Variants in GLG1 observed in about 807,000 individuals in gnomAD.
The protein encoded by GLG1 is Golgi apparatus protein 1.
Under a neutral mutation model 160.5 loss-of-function variants are expected in GLG1, and 38 were observed. That is an observed-to-expected ratio of 0.24 (90% CI 0.18 to 0.31). The LOEUF is 0.31. Ranked by LOEUF, GLG1 falls within the 10% of genes least tolerant of loss-of-function variation. The pLI, the probability that GLG1 is intolerant of heterozygous loss-of-function variation, is 1.00. For missense variants in GLG1, 1,373 were observed against 1,505.2 expected (o/e 0.91, Z 1.45); for synonymous variants, 644 against 543.4 (o/e 1.19, Z -2.57).
intron 24 of GLG1, 33 bp downstream of exon 24, chr16:74,457,841 C>G: frequency 6.2e-7 from 1 of 1,607,796 alleles, no homozygotes; most frequent in African/African-American, 1.3e-5. Flanking sequence ...CAAGAGAGTT[C>G]AGACAGGATC....
At chr16:74,567,373 T>C (rs576682692) in intron 1 of GLG1, among the ~76,000 whole-genome samples, 1 of 152,146 alleles carries the variant, frequency 6.6e-6, no homozygotes, top group Non-Finnish European at 1.5e-5. Context: ...GCCAGCGCTT[T>C]AGAATTTGAA....
At chr16:74,516,947 A>G (rs2016998463) in intron 2 of GLG1, among the ~76,000 whole-genome samples, 1 of 152,226 alleles carries the variant, frequency 6.6e-6, no homozygotes, top group Non-Finnish European at 1.5e-5. Flanking sequence ...AAACTAGAAA[A>G]TCTAGAAGAA....
intron 18 of GLG1, among the ~76,000 whole-genome samples, chr16:74,466,998 T>C (rs1376532333): frequency 2.6e-5 from 4 of 152,132 alleles, no homozygotes; most frequent in African/African-American, 7.2e-5. Flanking sequence ...AACACATAGA[T>C]TGTGAGATTG....
intron 1 of GLG1, 77 bp downstream of exon 1, chr16:74,606,580 T>G: frequency 1.6e-6 from 2 of 1,266,126 alleles, no homozygotes; most frequent in Non-Finnish European, 2.2e-6. Flanking sequence ...CCGACCGGCG[T>G]CAGCGGCTTC....
intron 1 of GLG1, among the ~76,000 whole-genome samples, chr16:74,562,750 C>T (rs978710315): frequency 6.6e-6 from 1 of 152,184 alleles, no homozygotes; most frequent in Non-Finnish European, 1.5e-5. Flanking sequence ...GTAGAGATTA[C>T]AGGCATGAGC....
chr16:74,590,227 C>T (rs1958142162), intron 1 of GLG1, among the ~76,000 whole-genome samples: 1 of 152,052 alleles, frequency 6.6e-6, no homozygotes, highest in Non-Finnish European at 1.5e-5. Flanking sequence ...TCTTGATCTC[C>T]TGATCTCGTG....
rs368741358 is a variant in GLG1, at chr16:74,528,970, C to CTT, written c.471+3149_471+3150dup. Among the ~76,000 whole-genome samples, 1,171 of 139,210 alleles carry CTT rather than the reference C, an allele frequency of 8.4e-3. 13 individuals are homozygous for CTT. The highest frequency in any genetic ancestry group is 0.014 in the Middle Eastern group (4 of 278). The allele number at this position is 139,210 out of a possible 152,430, so 91.3% of individuals were successfully genotyped here. On this transcript the variant is annotated intron_variant, in intron 2 of 25. Coordinates refer to ENST00000422840, the MANE Select transcript of GLG1 (RefSeq NM_001145667.2). ...ACTGCTTCTATCCCATTCTGTCTGCCTTTTTTTTTTTTTTGAGACAGAATC... is the reference window on the plus strand; with the variant it reads ...ACTGCTTCTATCCCATTCTGTCTGCCTTTTTTTTTTTTTTTTGAGACAGAATC...
intron 1 of GLG1, among the ~76,000 whole-genome samples, chr16:74,572,414 G>A (rs1442376116): frequency 6.6e-6 from 1 of 151,960 alleles, no homozygotes; most frequent in Non-Finnish European, 1.5e-5. Flanking sequence ...GCAAGGCTGA[G>A]GCAGGAGAGT....
chr16:74,605,896 T>C (rs899936554), intron 1 of GLG1, among the ~76,000 whole-genome samples: 5 of 152,224 alleles, frequency 3.3e-5, no homozygotes, highest in African/African-American at 9.6e-5. Context: ...GCATTAAACC[T>C]AGATTATAAA....
intron 10 of GLG1, among the ~76,000 whole-genome samples, chr16:74,482,380 A>G (rs2015632347): frequency 6.6e-6 from 1 of 152,188 alleles, no homozygotes; most frequent in Non-Finnish European, 1.5e-5. Context: ...TTGAAAAGCT[A>G]GAGAAGCAGT....
intron 3 of GLG1, among the ~76,000 whole-genome samples, chr16:74,505,034 T>C (rs922767676): frequency 3.9e-5 from 6 of 152,250 alleles, no homozygotes; most frequent in Non-Finnish European, 5.9e-5. Context: ...TAAATGGGAA[T>C]GTTTATTTTG....
At chr16:74,530,924 T>C (rs1393611008) in intron 2 of GLG1, among the ~76,000 whole-genome samples, 2 of 152,252 alleles carry the variant, frequency 1.3e-5, no homozygotes, top group African/African-American at 4.8e-5. Flanking sequence ...TCTTTTCCTG[T>C]GAACATTCTA....
At chr16:74,493,268 T>TA (rs1488140164) in intron 6 of GLG1, 128 bp from the exon 7 acceptor site, 2 of 591,454 alleles carry the variant, frequency 3.4e-6, no homozygotes, top group Admixed American at 6.3e-5. Context: ...CCAACATATC[T>TA]ATCTTTAAGT....
At chr16:74,539,314 T>C (rs1282944879) in intron 1 of GLG1, among the ~76,000 whole-genome samples, 3 of 151,910 alleles carry the variant, frequency 2.0e-5, no homozygotes, top group Non-Finnish European at 1.5e-5. Context: ...GTTACTCCTA[T>C]AGGAACACGT....
At chr16:74,497,434 CTTTTTTTTTT>C (rs773526380) in intron 4 of GLG1, among the ~76,000 whole-genome samples, 2,277 of 117,142 alleles carry the variant, frequency 0.019, 37 homozygotes, top group Middle Eastern at 0.029. Flanking sequence ...ACAGTGCTTG[CTTTTTTTTTT>C]TTTTTTTTTT....
chr16:74,463,369 G>C lies in GLG1; in HGVS notation c.2778C>G (p.Ile926Met). 6.2e-7 allele frequency: 1 copy of C among 1,614,080 alleles called. No homozygotes were observed. Among genetic ancestry groups the C allele is most frequent in the Non-Finnish European group, 8.5e-7 (1 of 1,179,958 alleles). The change falls in exon 20 of 26, where the codon ATC becomes ATG. Residue 926 changes from isoleucine (I) to methionine (M), a missense_variant. Transcript: ENST00000422840. ...KCKQMITKRQ[I>M]TQNTDYRLNP... The stretch of plus-strand genomic sequence containing the variant: ...CCAAGATCTTACCTGTGTTCTGGGT[G>C]ATCTGGCGCTTGGTTATCATCTGTT...
chr16:74,584,081 T>TCCTCACTTCAATTC (rs1228303855), intron 1 of GLG1, among the ~76,000 whole-genome samples: 1 of 152,172 alleles, frequency 6.6e-6, no homozygotes, highest in Non-Finnish European at 1.5e-5. Context: ...GCCTTCAATT[T>TCCTCACTTCAATTC]TCCTCACTTC....
At chr16:74,464,546 C>A (rs1363967054) in intron 19 of GLG1, among the ~76,000 whole-genome samples, 1 of 152,234 alleles carries the variant, frequency 6.6e-6, no homozygotes, top group African/African-American at 2.4e-5. Context: ...CACTGAGCCT[C>A]TCTTCCTAGT....
At chr16:74,514,500 A>G (rs2016916536) in intron 2 of GLG1, among the ~76,000 whole-genome samples, 1 of 152,242 alleles carries the variant, frequency 6.6e-6, no homozygotes, top group African/African-American at 2.4e-5. Context: ...ATTCTTAAAG[A>G]AAAGAATTTT....
Sources: allele counts gnomAD v4.1 joint callset (sites outside exome capture counted in the v4.1 genomes callset), GRCh38; gene constraint gnomAD v4.1.1; transcripts MANE v1.5; gene names NCBI Gene and HGNC (gene_info 2026-07-23, HGNC 2026-07-21).